NIPA1: variants seen among roughly 807,000 people sequenced by gnomAD.
The protein encoded by NIPA1 is magnesium transporter NIPA1.
In NIPA1, 13 loss-of-function variants were observed where a neutral mutation model predicts 23.9. The ratio of observed to expected loss-of-function variants is 0.54; its 90% confidence interval spans 0.35 to 0.87. NIPA1 has a LOEUF of 0.87. NIPA1 is among the 40% of genes least tolerant of loss of function. NIPA1 has a pLI of 0.01. For missense variants in NIPA1, 362 were observed against 429.7 expected (o/e 0.84, Z 1.39); for synonymous variants, 234 against 202.9 (o/e 1.15, Z -1.30).
In NIPA1 at chr15:22,826,548, G is replaced by GATC. The variant is rs1310399112; in HGVS notation, c.*2312_*2314dup. The GATC allele has an allele frequency of 6.6e-6, 1 of 152,152 alleles. No homozygotes were observed. The highest frequency in any genetic ancestry group is 1.5e-5 in the Non-Finnish European group (1 of 68,030). 9.4% of individuals were successfully genotyped at this position (152,152 alleles called of 1,614,324 possible). A position where few individuals can be genotyped will look rare whatever the true frequency, so the allele number is the denominator to read the frequency against. ...GAAAGTTCATGTGTCACATGAAAATGATCATGTTTGTGTTGCTACAGCTTT... is the reference window on the plus strand; with the variant it reads ...GAAAGTTCATGTGTCACATGAAAATGATCATCATGTTTGTGTTGCTACAGCTTT... On this transcript the variant is annotated 3_prime_UTR_variant, in exon 5 of 5. Transcript: ENST00000337435.
At chr15:22,797,106 C>T (rs1430357971) in intron 1 of NIPA1, among the ~76,000 whole-genome samples, 1 of 151,040 alleles carries the variant, frequency 6.6e-6, no homozygotes, top group East Asian at 1.9e-4. Flanking sequence ...GTGGCGCGAT[C>T]TCAGCTCACT....
chr15:22,819,446 G>A (rs1895490909), intron 3 of NIPA1: 1 of 152,138 alleles, frequency 6.6e-6, no homozygotes, highest in Non-Finnish European at 1.5e-5. Flanking sequence ...ATTGTATACT[G>A]ATAATTACAC....
rs944860201 is a variant in NIPA1 at position 22,786,673 on chromosome 15, C to G, written c.17C>G (p.Ala6Gly). ...GCGGGCGGAATGGGGACTGCAGCTGCGGCAGCGGCGGCGGCGGCGGCGGCG... is the reference window on the plus strand; with the variant it reads ...GCGGGCGGAATGGGGACTGCAGCTGGGGCAGCGGCGGCGGCGGCGGCGGCG... MGTAAAAAAAAAAAAA... is the reference protein window; with the variant it reads MGTAAGAAAAAAAAAA... Residue 6 changes from alanine (A) to glycine (G), a missense_variant, in exon 1 of 5, where the codon GCG becomes GGG. This residue lies in a region of NIPA1 where 85 missense variants were observed against 57.7 expected (regional missense o/e 1.47). Transcript: ENST00000337435. The G allele has an allele frequency of 8.6e-5, 93 of 1,075,416 alleles. No homozygotes were observed. The highest frequency in any genetic ancestry group is 9.7e-5 in the Non-Finnish European group (87 of 893,578). The allele number at this position is 1,075,416 out of a possible 1,614,324, so 66.6% of individuals were successfully genotyped here.
chr15:22,809,955 A>G (rs1467742339), intron 1 of NIPA1, among the ~76,000 whole-genome samples: 2 of 152,130 alleles, frequency 1.3e-5, no homozygotes, highest in African/African-American at 4.8e-5. Flanking sequence ...AGGCAGGAGA[A>G]TCGCTTGAAC....
intron 1 of NIPA1, among the ~76,000 whole-genome samples, chr15:22,796,630 A>G (rs1228125991): frequency 2.0e-5 from 3 of 152,122 alleles, no homozygotes; most frequent in Non-Finnish European, 4.4e-5. Flanking sequence ...TTAAGCCCTT[A>G]ATGAATACCA....
chr15:22,813,848 G>A, intron 3 of NIPA1: 1 of 385,002 alleles, frequency 2.6e-6, no homozygotes. Flanking sequence ...TGGCTCTGAG[G>A]CGCTGGGAGG....
chr15:22,790,246 T>A (rs1894800025), intron 1 of NIPA1, among the ~76,000 whole-genome samples: 1 of 152,196 alleles, frequency 6.6e-6, no homozygotes, highest in Non-Finnish European at 1.5e-5. Flanking sequence ...CTAGCTGTGT[T>A]ACTCATGGTG....
At chr15:22,798,477 G>C (rs570862922) in intron 1 of NIPA1, among the ~76,000 whole-genome samples, 1 of 149,112 alleles carries the variant, frequency 6.7e-6, no homozygotes, top group African/African-American at 2.5e-5. Flanking sequence ...CTGACCTTGT[G>C]ATCTGCCTGC....
At chr15:22,799,470 C>T (rs1291238475) in intron 1 of NIPA1, among the ~76,000 whole-genome samples, 1 of 151,896 alleles carries the variant, frequency 6.6e-6, no homozygotes, top group East Asian at 1.9e-4. Flanking sequence ...CATGGCGAAA[C>T]CTCATCTCTA....
chr15:22,813,008 G>T (rs550105673), intron 3 of NIPA1, among the ~76,000 whole-genome samples: 1 of 152,170 alleles, frequency 6.6e-6, no homozygotes, highest in African/African-American at 2.4e-5. Flanking sequence ...AATAATACAC[G>T]GCATCAATGG....
At position 22,817,607 on chromosome 15, in the gene NIPA1, C is replaced by T. The variant is rs571674118; in HGVS notation, c.318-2706C>T. Among the ~76,000 whole-genome samples, 524 of 150,754 alleles carry T rather than the reference C, an allele frequency of 3.5e-3. 1 individual carries two copies. The highest frequency in any genetic ancestry group is 5.5e-3 in the Non-Finnish European group (370 of 67,750). ...CACGAGGTCAGGAGATCAAGACCATCCTGGCTAACACGGTGAAACCCCATC... is the reference window on the plus strand; with the variant it reads ...CACGAGGTCAGGAGATCAAGACCATTCTGGCTAACACGGTGAAACCCCATC... On this transcript the variant is annotated intron_variant, in intron 3 of 4. Coordinates refer to ENST00000337435, the MANE Select transcript of NIPA1 (RefSeq NM_144599.5).
chr15:22,807,610 A>G (rs553747398), intron 1 of NIPA1, among the ~76,000 whole-genome samples: 2 of 152,064 alleles, frequency 1.3e-5, no homozygotes, highest in African/African-American at 2.4e-5. Context: ...AAATCTAAAA[A>G]CCCAATAAAA....
At chr15:22,812,918 T>C (rs1466322802) in intron 3 of NIPA1, among the ~76,000 whole-genome samples, 1 of 152,070 alleles carries the variant, frequency 6.6e-6, no homozygotes, top group Non-Finnish European at 1.5e-5. Flanking sequence ...TGAGTTGGTG[T>C]TTTATTGGGG....
chr15:22,808,999 A>G (rs1194994185), intron 1 of NIPA1, among the ~76,000 whole-genome samples: 1 of 152,026 alleles, frequency 6.6e-6, no homozygotes, highest in Non-Finnish European at 1.5e-5. Flanking sequence ...ACTTTTTCTA[A>G]TACTTGTAGC....
chr15:22,823,176 G>A (rs1403547752), intron 4 of NIPA1, among the ~76,000 whole-genome samples: 1 of 150,058 alleles, frequency 6.7e-6, no homozygotes, highest in African/African-American at 2.5e-5. Context: ...CTCCCAAAGT[G>A]CTGGGATTAC....
At chr15:22,806,539 T>TAGGG (rs1895216884) in intron 1 of NIPA1, among the ~76,000 whole-genome samples, 1 of 123,518 alleles carries the variant, frequency 8.1e-6, no homozygotes, top group Admixed American at 6.9e-5. Flanking sequence ...CCTTCAGTGC[T>TAGGG]GCAGCTCCCT....
intron 3 of NIPA1, among the ~76,000 whole-genome samples, chr15:22,818,478 A>G (rs573930661): frequency 1.3e-5 from 2 of 151,146 alleles, no homozygotes; most frequent in Non-Finnish European, 2.9e-5. Flanking sequence ...GTGCATCAGT[A>G]AAAAGTCAGA....
chr15:22,818,219 A>G (rs1202743414), intron 3 of NIPA1, among the ~76,000 whole-genome samples: 3 of 151,018 alleles, frequency 2.0e-5, no homozygotes, highest in Admixed American at 6.6e-5. Flanking sequence ...CGGGTGGATC[A>G]TGAGATCAGG....
At position 22,786,696 on chromosome 15, in the gene NIPA1, G is replaced by A. The variant is rs1346667835; in HGVS notation, c.40G>A (p.Ala14Thr). 5 of 1,126,382 alleles carry A rather than the reference G, an allele frequency of 4.4e-6. No homozygotes were observed. Among genetic ancestry groups the A allele is most frequent in the Non-Finnish European group, 5.4e-6 (5 of 920,670 alleles). 69.8% of individuals were successfully genotyped at this position (1,126,382 alleles called of 1,614,324 possible). ...AAAAAAAAAA[A>T]AAGEGARSPS... Reference sequence around the variant, plus strand: ...TGCGGCAGCGGCGGCGGCGGCGGCGGCGGCGGCCGGGGAGGGGGCGCGTAG... The same window carrying A: ...TGCGGCAGCGGCGGCGGCGGCGGCGACGGCGGCCGGGGAGGGGGCGCGTAG... The change falls in exon 1 of 5, where the codon GCG (alanine) becomes ACG (threonine). Residue 14 changes from alanine to threonine, a missense_variant. Ala to Thr is a moderately conservative substitution (Grantham distance 58). Around this residue, in one of 2 missense-constraint regions of NIPA1, gnomAD observed 85 missense variants for 57.7 expected, o/e 1.47. Transcript: ENST00000337435.
Sources: gnomAD v4.1 joint callset for allele counts (sites outside exome capture counted in the v4.1 genomes callset) on GRCh38, gnomAD v4.1.1 for gene constraint, gnomAD v4.1.1 regional missense constraint, MANE v1.5 for transcripts, NCBI Gene and HGNC (gene_info 2026-07-23, HGNC 2026-07-21) for gene names.